The following TET3 variants were observed in gnomAD, a reference collection of about 807,000 sequenced individuals.
The protein encoded by TET3 is tet methylcytosine dioxygenase 3, also known as methylcytosine dioxygenase TET3.
In TET3, 19 loss-of-function variants were observed where a neutral mutation model predicts 141.4. The observed-to-expected ratio is 0.13, with a 90% CI of 0.09 to 0.20. TET3 has a LOEUF of 0.20. Ranked by LOEUF, TET3 falls within the 10% of genes least tolerant of loss-of-function variation. The probability of loss-of-function intolerance (pLI) is 1.00; values close to 1 mark genes in which losing one functional copy is unlikely to be tolerated. For synonymous variants in TET3, 1,043 were observed against 980.9 expected, an observed-to-expected ratio of 1.06 and a Z score of -1.18; for missense variants, 1,874 against 2,356.9, an observed-to-expected ratio of 0.80 and a Z score of 4.24.
Position 74,087,647 on chromosome 2 carries a change from T to C in TET3, c.2680-183T>C, listed in dbSNP as rs373682960. On this transcript the variant is annotated intron_variant, in intron 6 of 11. Transcript: ENST00000409262. The surrounding 1 kb of genome is among the most constrained non-coding windows in gnomAD (Gnocchi z 4.3). ...AACAAAACATTTGTTCCTAATAATGTTCCCTATTTGTTCCCTAATAATGGT... is the reference window on the plus strand; with the variant it reads ...AACAAAACATTTGTTCCTAATAATGCTCCCTATTTGTTCCCTAATAATGGT... 3.3e-5 allele frequency among the ~76,000 whole-genome samples: 5 copies of C among 152,218 alleles called. No homozygotes were observed. The East Asian group carries it at 5.8e-4, about 18-fold the overall frequency.
At chr2:74,032,440 GGGGTGTGTCTCTGTGTGTGT>G (rs1488586680) in intron 3 of TET3, among the ~76,000 whole-genome samples, 6 of 138,508 alleles carry the variant, frequency 4.3e-5, no homozygotes, top group African/African-American at 1.9e-4. Flanking sequence ...GGCTGCAAGA[GGGGTGTGTCTCTGTGTGTGT>G]GTGTGTGTGT....
intron 6 of TET3, among the ~76,000 whole-genome samples, chr2:74,082,748 T>C (rs1229334838): frequency 6.6e-6 from 1 of 151,984 alleles, no homozygotes; most frequent in African/African-American, 2.4e-5. Context: ...GAGGGCTTGG[T>C]TTAAAGAGTT....
chr2:74,037,491 G>C (rs1687131423), intron 3 of TET3, among the ~76,000 whole-genome samples: 2 of 152,204 alleles, frequency 1.3e-5, no homozygotes, highest in Admixed American at 6.5e-5. Flanking sequence ...TGAGCTGGTG[G>C]TATGTGTGGT....
rs952013392 is a variant in TET3, at chr2:74,068,286, C to T, written c.2495-5263C>T. On this transcript the variant is annotated intron_variant, in intron 4 of 11. Transcript: ENST00000409262. Reference sequence around the variant, plus strand: ...GAGTTCGTAATGACATATGTATATACCTTTATGCTTGTACGTGTGTGTATG... The same window carrying T: ...GAGTTCGTAATGACATATGTATATATCTTTATGCTTGTACGTGTGTGTATG... Among the ~76,000 whole-genome samples the T allele has an allele frequency of 9.9e-5, 15 of 151,970 alleles. No individual in the cohort carries two copies. The East Asian group carries it at 2.7e-3, about 27-fold the overall frequency.
At chr2:74,114,230 C>A in the TET3 span, among the ~76,000 whole-genome samples, 34 of 152,038 alleles carry the variant, frequency 2.2e-4, no homozygotes, top group East Asian at 5.0e-3. Flanking sequence ...ACAAATGGTG[C>A]TGGCTTATAA....
intron 2 of TET3, among the ~76,000 whole-genome samples, chr2:73,997,904 C>A (rs187602455): frequency 6.6e-6 from 1 of 152,152 alleles, no homozygotes; most frequent in African/African-American, 2.4e-5. Flanking sequence ...GCCTTGAGGG[C>A]AGAGACTGGC....
chr2:74,026,144 C>T (rs1450212130), intron 3 of TET3, among the ~76,000 whole-genome samples: 4 of 152,018 alleles, frequency 2.6e-5, no homozygotes, highest in African/African-American at 9.7e-5. Context: ...GCATCCCACC[C>T]CACCCTACCC....
At chr2:74,012,211 C>A (rs766832134) in intron 3 of TET3, among the ~76,000 whole-genome samples, 1 of 152,194 alleles carries the variant, frequency 6.6e-6, no homozygotes, top group Non-Finnish European at 1.5e-5. Context: ...TCCCACCCCT[C>A]CTTGGCCTCC....
rs1370668800 is a variant in TET3, at chr2:74,093,479, G to A, written c.3130-50G>A. 1.3e-6 allele frequency: 2 copies of A among 1,513,682 alleles called. No individual in the cohort carries two copies. Among genetic ancestry groups the A allele is most frequent in the African/African-American group, 1.4e-5 (1 of 72,296 alleles). The allele number at this position is 1,513,682 out of a possible 1,614,324, so 93.8% of individuals were successfully genotyped here. ...CTGGCCTCCCCAGGTGCAGAATCGGGGCCACTCACCTCAGGTCATGTGAGC... is the reference window on the plus strand; with the variant it reads ...CTGGCCTCCCCAGGTGCAGAATCGGAGCCACTCACCTCAGGTCATGTGAGC... On this transcript the variant is annotated intron_variant, in intron 9 of 11. Coordinates refer to ENST00000409262, the MANE Select transcript of TET3 (RefSeq NM_001287491.2). The surrounding 1 kb of genome is among the most constrained non-coding windows in gnomAD (Gnocchi z 4.2).
At chr2:74,127,059 G>A in the TET3 span, among the ~76,000 whole-genome samples, 3 of 152,138 alleles carry the variant, frequency 2.0e-5, no homozygotes, top group Non-Finnish European at 4.4e-5. Context: ...AGCTGTAACT[G>A]GGTCAGAAGA....
At chr2:74,022,365 C>T (rs1204650985) in intron 3 of TET3, among the ~76,000 whole-genome samples, 1 of 151,652 alleles carries the variant, frequency 6.6e-6, no homozygotes, top group Non-Finnish European at 1.5e-5. Context: ...AACTCTTTAT[C>T]ATGCTTTGGC....
At chr2:74,131,735 GA>G in the TET3 span, among the ~76,000 whole-genome samples, 187 of 152,300 alleles carry the variant, frequency 1.2e-3, no homozygotes, top group Admixed American at 3.7e-3. Context: ...CCTCTCATGT[GA>G]ACCTAGCACT....
At chr2:74,135,196 A>G in the TET3 span, 2 of 262,076 alleles carry the variant, frequency 7.6e-6, no homozygotes, top group Non-Finnish European at 1.5e-5. Flanking sequence ...AAAGAATGAT[A>G]AACGAAAAGA....
chr2:74,053,512 G>A (rs1035295851), intron 4 of TET3, among the ~76,000 whole-genome samples: 1 of 152,250 alleles, frequency 6.6e-6, no homozygotes, highest in African/African-American at 2.4e-5. Context: ...CAGCCAACAG[G>A]AAGCTGCAGA....
chr2:74,043,846 A>G (rs992918549), intron 3 of TET3, among the ~76,000 whole-genome samples: 1 of 152,102 alleles, frequency 6.6e-6, no homozygotes, highest in African/African-American at 2.4e-5. Context: ...TAGCACTGGC[A>G]TCTTTTTAGC....
chr2:74,102,045 G>A lies in TET3; in HGVS notation c.5257G>A (p.Glu1753Lys), dbSNP rs1389685563. 2 of 1,542,296 alleles carry A rather than the reference G, an allele frequency of 1.3e-6. No individual in the cohort carries two copies. The highest frequency in any genetic ancestry group is 2.5e-5 in the South Asian group (2 of 80,464). Reference protein sequence around the residue: ...KRKWGGTVVAEPQQKEKKGVV... With the variant: ...KRKWGGTVVAKPQQKEKKGVV... ...CAAGTGGGGGGGCACTGTGGTTGCT[G>A]AGCCCCAGCAGAAAGAGAAGAAGGG... The change falls in exon 12 of 12, where the codon GAG (glutamate) becomes AAG (lysine). Residue 1753 changes from glutamate to lysine, a missense_variant. Transcript: ENST00000409262.
intron 6 of TET3, among the ~76,000 whole-genome samples, chr2:74,086,021 C>G (rs977933519): frequency 3.3e-5 from 5 of 152,216 alleles, no homozygotes; most frequent in African/African-American, 7.2e-5. Flanking sequence ...GTCTCCCCGT[C>G]TTGCCCTTCT....
chr2:74,040,479 G>A (rs944828960), intron 3 of TET3, among the ~76,000 whole-genome samples: 4 of 152,152 alleles, frequency 2.6e-5, no homozygotes, highest in Non-Finnish European at 5.9e-5. Flanking sequence ...GTTGGTGAAT[G>A]CAAAAATAGG....
intron 3 of TET3, among the ~76,000 whole-genome samples, chr2:74,016,788 C>CT (rs1157485325): frequency 0.3 from 36,177 of 122,298 alleles, 5,231 homozygotes; most frequent in African/African-American, 0.36. Flanking sequence ...GTTCTCCTGT[C>CT]TTTTTTTTTT....
Sources: allele counts gnomAD v4.1 joint callset (sites outside exome capture counted in the v4.1 genomes callset), GRCh38; gene constraint gnomAD v4.1.1; non-coding constraint Gnocchi (gnomAD v3.1); transcripts MANE v1.5; gene names NCBI Gene and HGNC (gene_info 2026-07-23, HGNC 2026-07-21).